Variants in HMCN1 observed in about 807,000 individuals in gnomAD.
HMCN1 encodes hemicentin-1.
In HMCN1, 321 loss-of-function variants were observed where a neutral mutation model predicts 625.9. The observed-to-expected ratio is 0.51, with a 90% confidence interval of 0.47 to 0.56. The LOEUF is 0.56. HMCN1 is among the 20% of genes least tolerant of loss of function. The pLI is 0.00. For missense variants in HMCN1, 6,588 were observed against 6,887.3 expected, an observed-to-expected ratio of 0.96 and a Z score of 1.54; for synonymous variants, 2,425 against 2,417.6, an observed-to-expected ratio of 1.00 and a Z score of -0.09.
intron 86 of HMCN1, among the ~76,000 whole-genome samples, chr1:186,134,656 CAT>C (rs1414964814): frequency 6.6e-6 from 1 of 152,126 alleles, no homozygotes; most frequent in African/African-American, 2.4e-5. Flanking sequence ...AAAAAACTAA[CAT>C]ATTAATATCA....
At chr1:186,082,166 T>C (rs1377937607) in intron 56 of HMCN1, among the ~76,000 whole-genome samples, 1 of 152,128 alleles carries the variant, frequency 6.6e-6, no homozygotes, top group Non-Finnish European at 1.5e-5. Flanking sequence ...CCAAAAGATA[T>C]ATAGTTGGAT....
At chr1:185,814,673 A>T (rs1336509788) in intron 1 of HMCN1, among the ~76,000 whole-genome samples, 1 of 148,132 alleles carries the variant, frequency 6.8e-6, no homozygotes, top group Non-Finnish European at 1.5e-5. Context: ...CTTAATATTT[A>T]TTTTTTTTAA....
chr1:185,887,873 G>C (rs567467924), intron 4 of HMCN1, among the ~76,000 whole-genome samples: 7 of 141,944 alleles, frequency 4.9e-5, no homozygotes, highest in Non-Finnish European at 9.4e-5. Context: ...GATCCCTGAC[G>C]AATCGCCACA....
chr1:185,993,091 C>T (rs896637310), intron 22 of HMCN1, 91 bp from the exon 23 acceptor site: 3 of 1,267,956 alleles, frequency 2.4e-6, no homozygotes, highest in African/African-American at 1.5e-5. Flanking sequence ...AAACTACTTG[C>T]AGAGTAGTAA....
chr1:186,128,372 A>C (rs1341917831), intron 83 of HMCN1, 81 bp downstream of exon 83: 14 of 1,178,858 alleles, frequency 1.2e-5, no homozygotes, highest in Non-Finnish European at 1.6e-5. Context: ...CCAGCTGTGA[A>C]AATTGAAAAG....
chr1:185,752,768 G>A (rs1188893816), intron 1 of HMCN1, among the ~76,000 whole-genome samples: 2 of 151,992 alleles, frequency 1.3e-5, no homozygotes, highest in Non-Finnish European at 2.9e-5. Flanking sequence ...AAGTATTCAA[G>A]GAAAAATAAT....
intron 11 of HMCN1, among the ~76,000 whole-genome samples, chr1:185,949,683 A>T (rs1258192358): frequency 6.6e-6 from 1 of 151,888 alleles, no homozygotes; most frequent in African/African-American, 2.4e-5. Flanking sequence ...GACAGAAGGG[A>T]AGAAATGACT....
intron 97 of HMCN1, among the ~76,000 whole-genome samples, chr1:186,155,067 G>A (rs1214528032): frequency 1.3e-5 from 2 of 152,146 alleles, no homozygotes; most frequent in African/African-American, 4.8e-5. Flanking sequence ...CTGTGTGCCA[G>A]CTTTCCTAAA....
intron 1 of HMCN1, among the ~76,000 whole-genome samples, chr1:185,768,797 A>G (rs1224238665): frequency 6.6e-6 from 1 of 152,138 alleles, no homozygotes; most frequent in African/African-American, 2.4e-5. Flanking sequence ...TTAAAATTGT[A>G]TTAATAATAA....
intron 87 of HMCN1, 89 bp from the exon 88 acceptor site, chr1:186,137,401 ATATTTAGC>A: frequency 1.5e-6 from 2 of 1,320,518 alleles, no homozygotes; most frequent in Non-Finnish European, 1.1e-6. Flanking sequence ...CAGCAACTAT[ATATTTAGC>A]TCTGTAACCC....
chr1:185,770,062 A>G (rs999018888), intron 1 of HMCN1, among the ~76,000 whole-genome samples: 3 of 152,164 alleles, frequency 2.0e-5, no homozygotes, highest in Admixed American at 6.5e-5. Flanking sequence ...ATGCATATAG[A>G]CAGTTCCAGC....
In HMCN1 at chr1:186,038,353, A is replaced by G. The variant is rs557632230; in HGVS notation, c.5851+318A>G. On this transcript the variant is annotated intron_variant, in intron 37 of 106. Transcript: ENST00000271588. ...TGAAACTTTTTTTTAACTTAAAAGTATCTTAATGAAGCTAGATAAAATTGT... is the reference window on the plus strand; with the variant it reads ...TGAAACTTTTTTTTAACTTAAAAGTGTCTTAATGAAGCTAGATAAAATTGT... Among the ~76,000 whole-genome samples, 6 of 152,330 alleles carry G rather than the reference A, an allele frequency of 3.9e-5. No homozygotes were observed. The East Asian group carries it at 1.2e-3, about 29-fold the overall frequency.
chr1:186,167,792 CA>C (rs1213794388), intron 100 of HMCN1, among the ~76,000 whole-genome samples: 1 of 152,134 alleles, frequency 6.6e-6, no homozygotes, highest in Non-Finnish European at 1.5e-5. Flanking sequence ...AAGTTTCCTC[CA>C]CCCCTTTTCA....
chr1:186,074,964 T>A (rs1477038151), intron 53 of HMCN1, 73 bp downstream of exon 53: 1 of 1,269,318 alleles, frequency 7.9e-7, no homozygotes, highest in East Asian at 2.5e-5. Context: ...AGATTTGACT[T>A]ATTTTAAACA....
chr1:185,783,745 G>T (rs750482469), intron 1 of HMCN1, among the ~76,000 whole-genome samples: 1 of 152,342 alleles, frequency 6.6e-6, no homozygotes, highest in East Asian at 1.9e-4. Flanking sequence ...TGAGGTGTCA[G>T]TCTGCCCCTA....
Position 185,997,364 on chromosome 1 carries a change from G to A in HMCN1, c.3779-65G>A, listed in dbSNP as rs1051956925. The A allele has an allele frequency of 3.1e-6, 3 of 961,590 alleles. No homozygotes were observed. In the African/African-American group the frequency reaches 4.8e-5, roughly 16 times the overall value. 59.6% of individuals were successfully genotyped at this position (961,590 alleles called of 1,614,324 possible). A position where few individuals can be genotyped will look rare whatever the true frequency, so the allele number is the denominator to read the frequency against. On this transcript the variant is annotated intron_variant, in intron 24 of 106. Transcript: ENST00000271588. ...AACTCATCAGTGCAGGTAGTTAATT[G>A]TGCCTTAGGAGAGTTTGAAATTGCT...
At chr1:185,770,716 T>C (rs1656184315) in intron 1 of HMCN1, among the ~76,000 whole-genome samples, 1 of 152,218 alleles carries the variant, frequency 6.6e-6, no homozygotes, top group Non-Finnish European at 1.5e-5. Context: ...CATTTATACT[T>C]TTTACATTCC....
intron 19 of HMCN1, among the ~76,000 whole-genome samples, chr1:185,984,926 C>T (rs1651906855): frequency 6.6e-6 from 1 of 151,882 alleles, no homozygotes; most frequent in Non-Finnish European, 1.5e-5. Context: ...AAAGACTCTG[C>T]AACATTGCTT....
At position 186,031,875 on chromosome 1, in the gene HMCN1, A is replaced by G. The variant is rs550872120; in HGVS notation, c.5750-6059A>G. Among the ~76,000 whole-genome samples, 22 of 152,182 alleles carry G rather than the reference A, an allele frequency of 1.4e-4. 1 individual carries two copies. In the South Asian group the frequency reaches 4.6e-3, roughly 32 times the overall value. ...TTGATTAACATCTATATTTAGTGAT[A>G]ATTCAGCTACTTTTCTTTGGTTCTT... is the stretch of plus-strand genomic sequence containing the variant. On this transcript the variant is annotated intron_variant, in intron 36 of 106. Transcript: ENST00000271588.
Sources: allele counts gnomAD v4.1 joint callset (sites outside exome capture counted in the v4.1 genomes callset), GRCh38; gene constraint gnomAD v4.1.1; transcripts MANE v1.5; gene names NCBI Gene and HGNC (gene_info 2026-07-23, HGNC 2026-07-21).